TENM3: variants seen among roughly 807,000 people sequenced by gnomAD.
TENM3 encodes teneurin-3.
TENM3 carries 63 observed loss-of-function variants against 255.1 expected under a neutral mutation model. The observed-to-expected ratio is 0.25, with a 90% CI of 0.20 to 0.30. The LOEUF (loss-of-function observed/expected upper bound fraction) is 0.30. TENM3 is among the 10% of genes least tolerant of loss of function. TENM3 has a pLI of 1.00. For synonymous variants in TENM3, 1,306 were observed against 1,322.3 expected (o/e 0.99, Z 0.27); for missense variants, 2,929 against 3,461.1 (o/e 0.85, Z 3.86).
chr4:181,511,123 AG>A, the TENM3 span, among the ~76,000 whole-genome samples: 5 of 152,304 alleles, frequency 3.3e-5, no homozygotes, highest in South Asian at 8.3e-4. Flanking sequence ...GGGCAGAGGA[AG>A]CCCTCATTCT....
At chr4:182,415,573 A>C (rs1369744541) in intron 3 of TENM3, among the ~76,000 whole-genome samples, 1 of 152,130 alleles carries the variant, frequency 6.6e-6, no homozygotes. Flanking sequence ...AAGGAAAAAA[A>C]TTGCATTAAA....
At chr4:182,144,990 C>T (rs112376722) in intron 1 of TENM3, 13,036 of 151,974 alleles carry the variant, frequency 0.086, 632 homozygotes, top group African/African-American at 0.11. Flanking sequence ...TTCGCCGGCG[C>T]CTCTCGCCCG....
chr4:181,803,778 T>C, the TENM3 span, among the ~76,000 whole-genome samples: 4 of 150,912 alleles, frequency 2.7e-5, no homozygotes, highest in African/African-American at 9.7e-5. Context: ...AAATTAAAAA[T>C]GAAAAAAATT....
chr4:182,373,548 G>T (rs187097103), intron 3 of TENM3, among the ~76,000 whole-genome samples: 13 of 152,210 alleles, frequency 8.5e-5, no homozygotes, highest in Admixed American at 5.2e-4. Flanking sequence ...TTGACAACCA[G>T]CTCCTGCATG....
At chr4:181,864,618 A>G in the TENM3 span, among the ~76,000 whole-genome samples, 1 of 152,200 alleles carries the variant, frequency 6.6e-6, no homozygotes, top group East Asian at 1.9e-4. Context: ...CAAAGTAGTC[A>G]GTGGTCAAAT....
At chr4:181,653,012 C>T in the TENM3 span, among the ~76,000 whole-genome samples, 2 of 152,272 alleles carry the variant, frequency 1.3e-5, no homozygotes, top group East Asian at 3.9e-4. Flanking sequence ...ATTTAGCATA[C>T]AGCACAATAT....
the TENM3 span, among the ~76,000 whole-genome samples, chr4:181,493,127 T>C: frequency 8.0e-3 from 1,221 of 152,064 alleles, 13 homozygotes; most frequent in Middle Eastern, 0.014. Context: ...TAAGAACTCA[T>C]GCATCAAAAC....
chr4:181,965,392 G>A, the TENM3 span, among the ~76,000 whole-genome samples: 1 of 152,128 alleles, frequency 6.6e-6, no homozygotes, highest in South Asian at 2.1e-4. Flanking sequence ...AAAGTAGCAT[G>A]TACATATTGC....
chr4:181,706,044 A>G, the TENM3 span, among the ~76,000 whole-genome samples: 1 of 152,152 alleles, frequency 6.6e-6, no homozygotes, highest in African/African-American at 2.4e-5. Context: ...TTATTTTCTC[A>G]CCATCCTGGC....
chr4:181,608,292 T>C, the TENM3 span, among the ~76,000 whole-genome samples: 5 of 152,224 alleles, frequency 3.3e-5, no homozygotes, highest in Non-Finnish European at 5.9e-5. Context: ...ACATGCATAA[T>C]TTGAAAATAA....
the TENM3 span, among the ~76,000 whole-genome samples, chr4:181,914,314 C>G: frequency 2.0e-5 from 3 of 152,190 alleles, no homozygotes; most frequent in Admixed American, 2.0e-4. Context: ...ACCTCCTAAT[C>G]TCTACCAATG....
chr4:182,484,963 T>C (rs28439970), intron 3 of TENM3, among the ~76,000 whole-genome samples: 1,563 of 152,300 alleles, frequency 0.01, 26 homozygotes, highest in African/African-American at 0.036. Flanking sequence ...CATTTTATGA[T>C]GTTTCATTTT....
intron 3 of TENM3, among the ~76,000 whole-genome samples, chr4:182,564,367 T>C (rs1203074692): frequency 6.6e-6 from 1 of 151,388 alleles, no homozygotes; most frequent in African/African-American, 2.4e-5. Context: ...TTGCCCACGC[T>C]GGTCTTGAAC....
the TENM3 span, among the ~76,000 whole-genome samples, chr4:181,630,941 C>T: frequency 6.6e-6 from 1 of 152,068 alleles, no homozygotes; most frequent in Admixed American, 6.6e-5. Context: ...CATAACAGCT[C>T]GAAACATACC....
the TENM3 span, among the ~76,000 whole-genome samples, chr4:181,677,954 T>C: frequency 7.0e-4 from 106 of 152,312 alleles, no homozygotes; most frequent in African/African-American, 2.5e-3. Context: ...TCTGATCCCC[T>C]AGGTCAACTT....
chr4:182,475,149 T>C (rs935049320), intron 3 of TENM3, among the ~76,000 whole-genome samples: 4 of 152,206 alleles, frequency 2.6e-5, no homozygotes, highest in Admixed American at 1.3e-4. Context: ...TCACTATTTC[T>C]GGAATAGGAG....
chr4:182,516,894 A>G (rs1738014296), intron 3 of TENM3, among the ~76,000 whole-genome samples: 1 of 151,974 alleles, frequency 6.6e-6, no homozygotes, highest in African/African-American at 2.4e-5. Flanking sequence ...CAGTCTCAAA[A>G]AAAAAAAAAA....
the TENM3 span, among the ~76,000 whole-genome samples, chr4:181,498,111 C>T: frequency 6.6e-6 from 1 of 151,972 alleles, no homozygotes; most frequent in Non-Finnish European, 1.5e-5. Flanking sequence ...GAGGTAGAAG[C>T]ATCTACATTC....
chr4:182,037,150 A>ATTTTTTTTTTTTATTTT, the TENM3 span, among the ~76,000 whole-genome samples: 7 of 144,682 alleles, frequency 4.8e-5, no homozygotes, highest in African/African-American at 1.8e-4. Flanking sequence ...AACTCCTTTT[A>ATTTTTTTTTTTTATTTT]TTTTTTTTTT....
Sources: gnomAD v4.1 joint callset for allele counts (sites outside exome capture counted in the v4.1 genomes callset) on GRCh38, gnomAD v4.1.1 for gene constraint, MANE v1.5 for transcripts, NCBI Gene and HGNC (gene_info 2026-07-23, HGNC 2026-07-21) for gene names.